LINGO2: variants seen among roughly 807,000 people sequenced by gnomAD.
LINGO2 encodes the protein leucine rich repeat and Ig domain containing 2.
In LINGO2, 14 loss-of-function variants were observed where a neutral mutation model predicts 30.6. The observed-to-expected ratio is 0.46, with a 90% CI of 0.30 to 0.72. LINGO2 has a LOEUF of 0.72. Ranked by LOEUF, LINGO2 falls within the 30% of genes least tolerant of loss-of-function variation. The probability of loss-of-function intolerance (pLI) is 0.07; values close to 1 mark genes in which losing one functional copy is unlikely to be tolerated. For synonymous variants in LINGO2, 317 were observed against 288.5 expected (o/e 1.10, Z -1.00); for missense variants, 729 against 751.7 (o/e 0.97, Z 0.35).
chr9:28,586,804 T>C (rs183749042), intron 1 of LINGO2, among the ~76,000 whole-genome samples: 1 of 152,124 alleles, frequency 6.6e-6, no homozygotes, highest in East Asian at 1.9e-4. Context: ...GCACTGCTCA[T>C]CTGCCCTAGT....
At chr9:29,183,818 T>A in the LINGO2 span, among the ~76,000 whole-genome samples, 10 of 152,052 alleles carry the variant, frequency 6.6e-5, no homozygotes, top group East Asian at 1.7e-3. Context: ...AGAATAGCTG[T>A]TTGAGATGCC....
At chr9:28,664,847 C>CTTA (rs1828730197) in intron 1 of LINGO2, among the ~76,000 whole-genome samples, 2 of 151,740 alleles carry the variant, frequency 1.3e-5, no homozygotes, top group African/African-American at 4.8e-5. Flanking sequence ...CAAGCTCTCA[C>CTTA]CTTGCTTTAC....
intron 4 of LINGO2, among the ~76,000 whole-genome samples, chr9:28,033,842 A>G (rs1823801931): frequency 6.6e-6 from 1 of 152,220 alleles, no homozygotes; most frequent in African/African-American, 2.4e-5. Flanking sequence ...CAAGTCATGT[A>G]TAGTTCACTT....
intron 4 of LINGO2, among the ~76,000 whole-genome samples, chr9:28,277,163 C>T (rs951668736): frequency 1.3e-5 from 2 of 152,106 alleles, no homozygotes; most frequent in Non-Finnish European, 2.9e-5. Flanking sequence ...GCAGTATGCC[C>T]TTGCATTGTG....
the LINGO2 span, among the ~76,000 whole-genome samples, chr9:28,915,477 G>C: frequency 6.6e-6 from 1 of 152,096 alleles, no homozygotes; most frequent in African/African-American, 2.4e-5. Flanking sequence ...ACCACACCTT[G>C]AGAATCATTA....
chr9:29,019,805 A>G, the LINGO2 span, among the ~76,000 whole-genome samples: 1 of 152,146 alleles, frequency 6.6e-6, no homozygotes, highest in African/African-American at 2.4e-5. Context: ...CTATGCATTG[A>G]TTATCAGATA....
chr9:28,190,598 A>T (rs1819790976), intron 4 of LINGO2, among the ~76,000 whole-genome samples: 1 of 152,184 alleles, frequency 6.6e-6, no homozygotes, highest in Non-Finnish European at 1.5e-5. Flanking sequence ...AATCACAAAG[A>T]GGGTCTGCAC....
chr9:28,593,017 G>C (rs1421049814), intron 1 of LINGO2, among the ~76,000 whole-genome samples: 1 of 151,880 alleles, frequency 6.6e-6, no homozygotes, highest in African/African-American at 2.4e-5. Flanking sequence ...GTGGAATTTG[G>C]CTCACTTAGA....
chr9:28,828,220 A>G, the LINGO2 span, among the ~76,000 whole-genome samples: 2 of 152,158 alleles, frequency 1.3e-5, no homozygotes, highest in Admixed American at 1.3e-4. Context: ...CAACTAGACC[A>G]GGTTGTCTTA....
At chr9:28,100,029 AG>A (rs1260535053) in intron 4 of LINGO2, among the ~76,000 whole-genome samples, 1 of 152,210 alleles carries the variant, frequency 6.6e-6, no homozygotes, top group Admixed American at 6.5e-5. Flanking sequence ...TTCTGCTCTT[AG>A]CACATAACAA....
the LINGO2 span, among the ~76,000 whole-genome samples, chr9:28,696,539 C>T: frequency 2.2e-4 from 34 of 151,884 alleles, no homozygotes; most frequent in African/African-American, 8.0e-4. Flanking sequence ...TTTTGACTAT[C>T]TCATGAAAAT....
At chr9:28,563,384 T>G (rs1434871389) in intron 1 of LINGO2, among the ~76,000 whole-genome samples, 1 of 152,160 alleles carries the variant, frequency 6.6e-6, no homozygotes, top group Non-Finnish European at 1.5e-5. Flanking sequence ...CTGTACTTAG[T>G]GACCAGAAGT....
At chr9:29,161,188 C>A in the LINGO2 span, among the ~76,000 whole-genome samples, 1 of 152,006 alleles carries the variant, frequency 6.6e-6, no homozygotes, top group East Asian at 2.0e-4. Flanking sequence ...AGCAGGCTGC[C>A]GAGAGGAGGC....
At chr9:27,962,704 G>T (rs375114962) in intron 5 of LINGO2, among the ~76,000 whole-genome samples, 1 of 152,060 alleles carries the variant, frequency 6.6e-6, no homozygotes, top group Non-Finnish European at 1.5e-5. Flanking sequence ...CAAACTGCTG[G>T]CTCCACTTAG....
At chr9:27,998,249 T>C (rs1001233294) in intron 5 of LINGO2, among the ~76,000 whole-genome samples, 2 of 152,174 alleles carry the variant, frequency 1.3e-5, no homozygotes, top group African/African-American at 4.8e-5. Context: ...ATGAAACCTT[T>C]CAGCCTCCAC....
At chr9:28,850,457 C>T in the LINGO2 span, among the ~76,000 whole-genome samples, 1 of 151,912 alleles carries the variant, frequency 6.6e-6, no homozygotes, top group Non-Finnish European at 1.5e-5. Context: ...GACTCCCTCT[C>T]CCCCAGCCAC....
chr9:28,796,041 G>C, the LINGO2 span, among the ~76,000 whole-genome samples: 2 of 131,514 alleles, frequency 1.5e-5, no homozygotes, highest in Non-Finnish European at 3.2e-5. Context: ...AACCTGTGTG[G>C]GAATAATCAT....
chr9:28,306,487 A>T (rs1337462000), intron 3 of LINGO2, among the ~76,000 whole-genome samples: 1 of 152,156 alleles, frequency 6.6e-6, no homozygotes, highest in East Asian at 1.9e-4. Flanking sequence ...GAAAGATCCA[A>T]AACTGACACC....
At chr9:28,162,044 T>C (rs1828302077) in intron 4 of LINGO2, among the ~76,000 whole-genome samples, 1 of 152,158 alleles carries the variant, frequency 6.6e-6, no homozygotes, top group Non-Finnish European at 1.5e-5. Context: ...TTCTTTGAAA[T>C]TTTATCTTAT....
Sources: gnomAD v4.1 joint callset for allele counts (sites outside exome capture counted in the v4.1 genomes callset) on GRCh38, gnomAD v4.1.1 for gene constraint, MANE v1.5 for transcripts, NCBI Gene and HGNC (gene_info 2026-07-23, HGNC 2026-07-21) for gene names.